Variants in MAPK6 observed in about 807,000 individuals in gnomAD.
MAPK6 encodes the protein ERK-3.
A neutral mutation model predicts 59.3 loss-of-function variants in MAPK6; 19 were observed. The ratio of observed to expected loss-of-function variants is 0.32; its 90% CI spans 0.22 to 0.47. The LOEUF (loss-of-function observed/expected upper bound fraction) is 0.47, where lower values mean the gene tolerates loss of function less well. MAPK6 is among the 20% of genes least tolerant of loss of function. The pLI, the probability that MAPK6 is intolerant of heterozygous loss-of-function variation, is 1.00. For synonymous variants in MAPK6, 316 were observed against 290.3 expected (o/e 1.09, Z -0.90); for missense variants, 724 against 847.9 (o/e 0.85, Z 1.81).
intron 1 of MAPK6, among the ~76,000 whole-genome samples, chr15:51,979,973 A>G (rs1566892842): frequency 6.6e-6 from 1 of 151,642 alleles, no homozygotes; most frequent in Non-Finnish European, 1.5e-5. Context: ...TGAATTTTGT[A>G]CCAAATGAGC....
At chr15:51,984,871 G>A (rs150164878) in intron 2 of MAPK6, among the ~76,000 whole-genome samples, 11 of 152,288 alleles carry the variant, frequency 7.2e-5, no homozygotes, top group African/African-American at 2.2e-4. Flanking sequence ...TGGGAAGTGA[G>A]ATTATGGGAA....
chr15:52,052,431 A>G (rs762588273), intron 3 of MAPK6, among the ~76,000 whole-genome samples: 1 of 152,238 alleles, frequency 6.6e-6, no homozygotes, highest in African/African-American at 2.4e-5. Context: ...CACATATCAT[A>G]CAATTTATTT....
chr15:52,063,836 G>A (rs2032302580), intron 5 of MAPK6, 66 bp from the exon 6 acceptor site: 2 of 1,386,696 alleles, frequency 1.4e-6, no homozygotes, highest in South Asian at 2.9e-5. Flanking sequence ...CACATAGAAG[G>A]TACTCGGTGA....
intron 2 of MAPK6, among the ~76,000 whole-genome samples, chr15:52,048,894 A>G (rs1170654489): frequency 1.4e-5 from 1 of 70,154 alleles, no homozygotes; most frequent in Non-Finnish European, 3.9e-5. Flanking sequence ...CGACGTCCAC[A>G]GTGAAATATT....
chr15:52,049,095 T>G (rs1456186294), intron 2 of MAPK6, among the ~76,000 whole-genome samples: 1 of 152,182 alleles, frequency 6.6e-6, no homozygotes, highest in Non-Finnish European at 1.5e-5. Context: ...CAGGGTAGTT[T>G]TGAGGATGAA....
At chr15:51,983,475 G>A (rs538348087) in intron 2 of MAPK6, among the ~76,000 whole-genome samples, 92 of 148,196 alleles carry the variant, frequency 6.2e-4, no homozygotes, top group African/African-American at 2.1e-3. Context: ...GCGAAACTCC[G>A]TCTCAAAACA....
At chr15:52,047,532 G>T (rs2031632021) in intron 2 of MAPK6, among the ~76,000 whole-genome samples, 1 of 151,994 alleles carries the variant, frequency 6.6e-6, no homozygotes, top group Non-Finnish European at 1.5e-5. Context: ...ATTTTTAGTA[G>T]ACAGGGTTTC....
At chr15:51,980,501 T>C (rs1333312425) in intron 1 of MAPK6, among the ~76,000 whole-genome samples, 1 of 147,986 alleles carries the variant, frequency 6.8e-6, no homozygotes, top group East Asian at 1.9e-4. Flanking sequence ...CAGTTTGGTA[T>C]CTAGGATGCA....
intron 1 of MAPK6, among the ~76,000 whole-genome samples, chr15:52,044,431 C>T (rs1390461547): frequency 2.6e-5 from 4 of 152,186 alleles, no homozygotes; most frequent in African/African-American, 9.7e-5. Flanking sequence ...TTGCTCATAT[C>T]AGGTTTGCTC....
intron 4 of MAPK6, among the ~76,000 whole-genome samples, chr15:52,061,021 C>T (rs1395656292): frequency 6.6e-6 from 1 of 152,156 alleles, no homozygotes; most frequent in Admixed American, 6.5e-5. Flanking sequence ...GCCGGGATTA[C>T]AGGCGTGAGC....
chr15:52,028,443 C>T (rs1329245110), intron 1 of MAPK6, among the ~76,000 whole-genome samples: 2 of 152,130 alleles, frequency 1.3e-5, no homozygotes, highest in African/African-American at 2.4e-5. Context: ...GAATTTTTCC[C>T]TTTCTGGATT....
At chr15:52,050,877 C>T (rs1261179001) in intron 3 of MAPK6, among the ~76,000 whole-genome samples, 2 of 152,054 alleles carry the variant, frequency 1.3e-5, no homozygotes, top group East Asian at 3.9e-4. Flanking sequence ...TAATAATAAA[C>T]ATATTTATGA....
rs147915914 is a variant in MAPK6, at chr15:52,025,452, C to G, written c.-632+6076C>G. ...ATTGGCCATGTGTGACTGTTGAATA[C>G]TTGACGAGCAAGTAGTGCACTTGAG... is the stretch of plus-strand genomic sequence containing the variant. On this transcript the variant is annotated intron_variant, in intron 1 of 5. Coordinates refer to ENST00000261845, the MANE Select transcript of MAPK6 (RefSeq NM_002748.4). 3.0e-3 allele frequency among the ~76,000 whole-genome samples: 462 copies of G among 152,286 alleles called. 4 individuals carry two copies. The highest frequency in any genetic ancestry group is 0.01 in the African/African-American group (432 of 41,550).
Position 52,005,262 on chromosome 15 carries a change from T to C in MAPK6, c.-632+860T>C, listed in dbSNP as rs2057254816. ...GATCTGGGCCAGGTGCGGTGGCTCA[T>C]GCCTGTAATCCCAGCACTTTGGGAG... On this transcript the variant is annotated intron_variant, in intron 3 of 7. Coordinates refer to the MAPK6 transcript ENST00000691380. Among the ~76,000 whole-genome samples the C allele has an allele frequency of 2.0e-5, 3 of 152,108 alleles. No homozygotes were observed. The South Asian group carries it at 6.2e-4, about 32-fold the overall frequency.
upstream of MAPK6, among the ~76,000 whole-genome samples, chr15:52,016,667 C>T (rs922656315): frequency 3.9e-5 from 6 of 152,152 alleles, no homozygotes; most frequent in African/African-American, 1.4e-4. Context: ...AACTCTCCCC[C>T]TCCTCTGCCC....
In MAPK6 at chr15:52,046,378, AG is replaced by A. The variant is rs2031593056; in HGVS notation, c.-82del. On this transcript the variant is annotated 5_prime_UTR_variant, in exon 2 of 6. Coordinates refer to ENST00000261845, the MANE Select transcript of MAPK6 (RefSeq NM_002748.4). ...ATTATTTTTCTTCTCCCTTTTTGAA[AG>A]ATCTTTCCTTTTGATGCCAGTTTTC... 9.6e-7 allele frequency: 1 copy of A among 1,036,436 alleles called. No individual in the cohort carries two copies. Among genetic ancestry groups the A allele is most frequent in the Non-Finnish European group, 1.4e-6 (1 of 699,874 alleles). The allele number at this position is 1,036,436 out of a possible 1,614,324, so 64.2% of individuals were successfully genotyped here.
intron 2 of MAPK6, among the ~76,000 whole-genome samples, chr15:51,984,447 ATTTTTTTTTT>A (rs71130112): frequency 5.6e-4 from 39 of 69,976 alleles, no homozygotes; most frequent in Admixed American, 2.1e-3. Context: ...ACGCCGGCTA[ATTTTTTTTTT>A]TTTTTTTTTT....
chr15:52,010,267 G>A (rs1283900025), intron 3 of MAPK6, among the ~76,000 whole-genome samples: 2 of 151,192 alleles, frequency 1.3e-5, no homozygotes, highest in Non-Finnish European at 3.0e-5. Context: ...TGCCCAGGCT[G>A]GAATGCAATG....
chr15:52,030,320 T>C (rs2030977853), intron 1 of MAPK6, among the ~76,000 whole-genome samples: 2 of 152,228 alleles, frequency 1.3e-5, no homozygotes, highest in South Asian at 4.1e-4. Flanking sequence ...GAACCTTGTC[T>C]GTCTTATTCT....
Sources: gnomAD v4.1 joint callset for allele counts (sites outside exome capture counted in the v4.1 genomes callset) on GRCh38, gnomAD v4.1.1 for gene constraint, MANE v1.5 for transcripts, NCBI Gene and HGNC (gene_info 2026-07-23, HGNC 2026-07-21) for gene names.